Variants in OOEP observed in about 807,000 individuals in gnomAD.
The protein encoded by OOEP is oocyte-expressed protein homolog.
OOEP carries 16 observed loss-of-function variants against 13.7 expected under a neutral mutation model. The ratio of observed to expected loss-of-function variants is 1.16; its 90% confidence interval spans 0.79 to 1.77. The LOEUF is 1.77. Ranked by LOEUF, OOEP falls within the 40% of genes most tolerant of loss-of-function variation. The pLI, the probability that OOEP is intolerant of heterozygous loss-of-function variation, is 0.00. For synonymous variants in OOEP, 89 were observed against 77.1 expected (o/e 1.15, Z -0.81); for missense variants, 195 against 193.1 (o/e 1.01, Z -0.06).
intron 2 of OOEP, among the ~76,000 whole-genome samples, chr6:73,384,861 T>C (rs1398333207): frequency 1.3e-5 from 2 of 151,754 alleles, no homozygotes; most frequent in Non-Finnish European, 2.9e-5. Flanking sequence ...CTCAACCTCC[T>C]GAGTAGCTGG....
intron 2 of OOEP, among the ~76,000 whole-genome samples, chr6:73,392,190 T>TA (rs1342201417): frequency 2.6e-5 from 4 of 152,202 alleles, no homozygotes; most frequent in Admixed American, 2.6e-4. Flanking sequence ...AAATCCTTAA[T>TA]AAAATCTCAG....
rs768361697 is a variant in OOEP at position 73,369,683 on chromosome 6, C to G, written c.110G>C (p.Arg37Pro). 3 of 1,614,042 alleles carry G rather than the reference C, an allele frequency of 1.9e-6. No homozygotes were observed. The highest frequency in any genetic ancestry group is 2.5e-6 in the Non-Finnish European group (3 of 1,179,892). Reference protein sequence around the residue: ...LPLPPPQIRIRPWWFPVQELR... With the variant: ...LPLPPPQIRIPPWWFPVQELR... Reference sequence around the variant, plus strand: ...TTCCTGCACCGGAAACCACCAGGGCCGGATGCGAATCTGTGGCGGCGGAAG... The same window carrying G: ...TTCCTGCACCGGAAACCACCAGGGCGGGATGCGAATCTGTGGCGGCGGAAG... Residue 37 changes from arginine to proline, a missense_variant, in exon 1 of 3, where the codon CGG becomes CCG. Transcript: ENST00000370359.
At chr6:73,392,731 A>T (rs1036034851) in intron 2 of OOEP, among the ~76,000 whole-genome samples, 1 of 142,518 alleles carries the variant, frequency 7.0e-6, no homozygotes, top group Non-Finnish European at 1.5e-5. Context: ...TCCCGGGTTC[A>T]AGCAATTATT....
intron 2 of OOEP, among the ~76,000 whole-genome samples, chr6:73,386,018 G>A (rs1357502221): frequency 6.6e-6 from 1 of 152,082 alleles, no homozygotes; most frequent in Non-Finnish European, 1.5e-5. Flanking sequence ...ACATTGTACT[G>A]GAGGTTCTAG....
At chr6:73,394,265 G>A in intron 2 of OOEP, 1 of 704,080 alleles carries the variant, frequency 1.4e-6, no homozygotes, top group Non-Finnish European at 2.6e-6. Context: ...AGCTTACATA[G>A]CGAGGATAAA....
At chr6:73,382,693 G>A (rs1351089800) in intron 2 of OOEP, among the ~76,000 whole-genome samples, 1 of 151,836 alleles carries the variant, frequency 6.6e-6, no homozygotes, top group Non-Finnish European at 1.5e-5. Flanking sequence ...TAGGACTACA[G>A]GCATGCACCA....
chr6:73,371,642 C>T (rs1033918204), upstream of OOEP, among the ~76,000 whole-genome samples: 13 of 151,860 alleles, frequency 8.6e-5, no homozygotes, highest in Admixed American at 3.3e-4. Flanking sequence ...CCCAGCTACT[C>T]AGGAGGCTGA....
intron 2 of OOEP, 149 bp downstream of exon 2, chr6:73,369,057 C>A: frequency 1.2e-6 from 1 of 863,434 alleles, no homozygotes. Context: ...ACCCCAGGAT[C>A]CCCTCCCAAC....
In OOEP at chr6:73,369,216, ATG is replaced by A. The variant is rs1769003497; in HGVS notation, c.358_359del (p.His120SerfsTer5). ...CTCAAAGACCCTCACCTCGGGCACG[ATG>A]TTCTCGGTGAAACCATGCCAGGCAC... ...LLCLAWFHRE[H>X]RARAEKMKHL... On this transcript the variant is annotated frameshift_variant, in exon 2 of 3. Coordinates refer to ENST00000370359, the MANE Select transcript of OOEP (RefSeq NM_001080507.3). LOFTEE classifies it low-confidence loss of function (END_TRUNC). 6.2e-7 allele frequency: 1 copy of A among 1,611,266 alleles called. No individual in the cohort carries two copies. Among genetic ancestry groups the A allele is most frequent in the African/African-American group, 1.3e-5 (1 of 74,880 alleles).
At chr6:73,371,919 C>T (rs1309377888), upstream of OOEP, among the ~76,000 whole-genome samples, 4 of 151,942 alleles carry the variant, frequency 2.6e-5, no homozygotes, top group Non-Finnish European at 5.9e-5. Flanking sequence ...CAGAGTGAGA[C>T]TCCATCTCAA....
intron 2 of OOEP, among the ~76,000 whole-genome samples, chr6:73,388,945 A>G (rs992459859): frequency 3.9e-5 from 6 of 152,070 alleles, no homozygotes; most frequent in African/African-American, 1.4e-4. Context: ...CGGAGGGTAG[A>G]GGGACCGTTC....
Position 73,369,767 on chromosome 6 carries a change from T to C in OOEP, c.26A>G (p.Glu9Gly). The change falls in exon 1 of 3, where the codon GAG becomes GGG. Residue 9 changes from glutamate (E) to glycine (G), a missense_variant. By Grantham distance (98) the Glu-to-Gly change is moderately conservative. Transcript: ENST00000370359. ...CGGAGTCTGTTTGCCCCGCTGGGAC[T>C]CAGCGGCACCAGCATCATCGACCAT... is the stretch of plus-strand genomic sequence containing the variant. MVDDAGAA[E>G]SQRGKQTPAH... The C allele has an allele frequency of 6.2e-7, 1 of 1,613,768 alleles. No individual in the cohort carries two copies. Among genetic ancestry groups the C allele is most frequent in the Non-Finnish European group, 8.5e-7 (1 of 1,179,802 alleles).
At chr6:73,378,942 T>C (rs1223702563) in intron 2 of OOEP, among the ~76,000 whole-genome samples, 1 of 152,144 alleles carries the variant, frequency 6.6e-6, no homozygotes, top group Non-Finnish European at 1.5e-5. Context: ...ATATTTACTA[T>C]ATTAGAAATT....
chr6:73,381,205 T>TAA (rs66507015), intron 2 of OOEP, among the ~76,000 whole-genome samples: 75 of 100,928 alleles, frequency 7.4e-4, no homozygotes, highest in South Asian at 2.3e-3. Flanking sequence ...AAAAAAGTGT[T>TAA]AAAAAAAAAA....
At chr6:73,394,280 G>A (rs1243778117) in intron 2 of OOEP, 2 of 712,162 alleles carry the variant, frequency 2.8e-6, no homozygotes, top group Admixed American at 2.0e-5. Flanking sequence ...GATAAATGCT[G>A]TTTTGTCAAT....
exon 1 of OOEP, chr6:73,395,030 G>T (rs762493306): frequency 7.4e-6 from 12 of 1,614,260 alleles, no homozygotes; most frequent in Non-Finnish European, 9.3e-6. Context: ...GGTCCTGAGG[G>T]ATATAGTGTC....
chr6:73,370,010 C>T (rs1455032697), upstream of OOEP: 2 of 571,374 alleles, frequency 3.5e-6, no homozygotes, highest in Admixed American at 3.2e-5. Context: ...GGGATTGCCT[C>T]TTTGACCTTG....
intron 2 of OOEP, among the ~76,000 whole-genome samples, chr6:73,392,750 G>A (rs1266991922): frequency 1.4e-5 from 2 of 139,610 alleles, no homozygotes; most frequent in Non-Finnish European, 3.0e-5. Flanking sequence ...TTCTGCCTCA[G>A]CCTCCCAAGT....
intron 2 of OOEP, among the ~76,000 whole-genome samples, chr6:73,385,863 G>A (rs918971414): frequency 6.6e-6 from 1 of 152,020 alleles, no homozygotes; most frequent in South Asian, 2.1e-4. Context: ...TGGGATTATG[G>A]GCGTGAGCCA....
Sources: allele counts gnomAD v4.1 joint callset (sites outside exome capture counted in the v4.1 genomes callset), GRCh38; gene constraint gnomAD v4.1.1; transcripts MANE v1.5; gene names NCBI Gene and HGNC (gene_info 2026-07-23, HGNC 2026-07-21).